Variants in THEMIS observed in about 807,000 individuals in gnomAD.
THEMIS encodes thymocyte selection associated.
In THEMIS, 37 loss-of-function variants were observed where a neutral mutation model predicts 52.6. That is an observed-to-expected ratio of 0.70 (90% CI 0.54 to 0.93). The LOEUF (loss-of-function observed/expected upper bound fraction) is 0.93, where lower values mean the gene tolerates loss of function less well. THEMIS is among the 40% of genes least tolerant of loss of function. The probability of loss-of-function intolerance (pLI) is 0.00; values close to 1 mark genes in which losing one functional copy is unlikely to be tolerated. For missense variants in THEMIS, 808 were observed against 763.1 expected, an observed-to-expected ratio of 1.06 and a Z score of -0.69; for synonymous variants, 292 against 272.7, an observed-to-expected ratio of 1.07 and a Z score of -0.70.
chr6:127,736,219 T>C (rs1427563711), intron 4 of THEMIS, among the ~76,000 whole-genome samples: 4 of 152,194 alleles, frequency 2.6e-5, no homozygotes, highest in Non-Finnish European at 5.9e-5. Flanking sequence ...AAATTGTATA[T>C]TTAGAGAAAA....
At chr6:127,699,238 T>C in the THEMIS span, among the ~76,000 whole-genome samples, 1 of 151,814 alleles carries the variant, frequency 6.6e-6, no homozygotes, top group African/African-American at 2.4e-5. Flanking sequence ...TAAATCTGTC[T>C]ACTACTTCAG....
In THEMIS at chr6:127,731,125, C is replaced by A. The variant is rs1029554226; in HGVS notation, c.1759-11302G>T. ...ACCTCTGGTTATAATTTCTTTGCTG[C>A]AATAACATTTCTATAATGACACTGG... On this transcript the variant is annotated intron_variant, in intron 4 of 5. Coordinates refer to ENST00000368248, the MANE Select transcript of THEMIS (RefSeq NM_001010923.3). Among the ~76,000 whole-genome samples, 3 of 152,266 alleles carry A rather than the reference C, an allele frequency of 2.0e-5. No individual in the cohort carries two copies. The South Asian group carries it at 6.2e-4, about 32-fold the overall frequency.
intron 4 of THEMIS, among the ~76,000 whole-genome samples, chr6:127,773,506 T>A (rs1776455361): frequency 6.6e-6 from 1 of 152,242 alleles, no homozygotes; most frequent in Non-Finnish European, 1.5e-5. Flanking sequence ...ACTGATAAGC[T>A]ACTACATATC....
downstream of THEMIS, among the ~76,000 whole-genome samples, chr6:127,703,206 C>A (rs1340004869): frequency 6.6e-6 from 1 of 151,240 alleles, no homozygotes; most frequent in Non-Finnish European, 1.5e-5. Context: ...CGCCACTACG[C>A]CCGGCTAATT....
At chr6:127,739,104 T>C (rs1472521123) in intron 4 of THEMIS, among the ~76,000 whole-genome samples, 3 of 152,116 alleles carry the variant, frequency 2.0e-5, no homozygotes, top group Non-Finnish European at 4.4e-5. Flanking sequence ...GCCTCTCTCT[T>C]CTAAGAATAT....
chr6:127,749,977 C>T (rs79241959), intron 4 of THEMIS, among the ~76,000 whole-genome samples: 3,984 of 147,962 alleles, frequency 0.027, 181 homozygotes, highest in African/African-American at 0.094. Flanking sequence ...TCATTCCTAA[C>T]CACTGCTCAT....
chr6:127,900,745 C>T (rs1781111290), intron 1 of THEMIS, 97 bp downstream of exon 1: 17 of 1,014,506 alleles, frequency 1.7e-5, no homozygotes, highest in South Asian at 1.6e-4. Context: ...TTTACCAGAA[C>T]TCACATATTT....
chr6:127,852,167 A>G (rs535095386), intron 2 of THEMIS, among the ~76,000 whole-genome samples: 5 of 151,690 alleles, frequency 3.3e-5, no homozygotes, highest in Non-Finnish European at 7.4e-5. Context: ...ATAATGATAA[A>G]AGGGTCACTC....
At chr6:127,882,218 C>G (rs1780507819) in intron 1 of THEMIS, among the ~76,000 whole-genome samples, 1 of 151,674 alleles carries the variant, frequency 6.6e-6, no homozygotes, top group Non-Finnish European at 1.5e-5. Flanking sequence ...TTTTCATTTT[C>G]AGTACAGTAT....
chr6:127,822,469 A>T (rs1778373198), intron 3 of THEMIS, among the ~76,000 whole-genome samples: 1 of 152,108 alleles, frequency 6.6e-6, no homozygotes, highest in Non-Finnish European at 1.5e-5. Flanking sequence ...AAATAATCAT[A>T]ATCCTCACTG....
chr6:127,831,834 G>C (rs181929400), intron 2 of THEMIS, among the ~76,000 whole-genome samples: 1 of 152,064 alleles, frequency 6.6e-6, no homozygotes, highest in Non-Finnish European at 1.5e-5. Flanking sequence ...TACTTTGAAG[G>C]GATTTCTCAT....
At chr6:127,875,552 G>A (rs926506929) in intron 1 of THEMIS, among the ~76,000 whole-genome samples, 4 of 152,196 alleles carry the variant, frequency 2.6e-5, no homozygotes, top group Non-Finnish European at 5.9e-5. Flanking sequence ...CTGCAATGTT[G>A]GAAATATAAT....
chr6:127,844,552 A>G (rs937901526), intron 2 of THEMIS, among the ~76,000 whole-genome samples: 1 of 151,842 alleles, frequency 6.6e-6, no homozygotes, highest in African/African-American at 2.4e-5. Context: ...TTCCTTCACC[A>G]TATCATTTGG....
At chr6:127,745,419 A>C (rs1040670626) in intron 4 of THEMIS, among the ~76,000 whole-genome samples, 1 of 151,914 alleles carries the variant, frequency 6.6e-6, no homozygotes. Flanking sequence ...AAAAGTTGAC[A>C]TATGATGTTT....
intron 4 of THEMIS, among the ~76,000 whole-genome samples, chr6:127,752,497 C>T (rs894246114): frequency 6.6e-6 from 1 of 150,664 alleles, no homozygotes; most frequent in African/African-American, 2.4e-5. Context: ...TACAAAAGAT[C>T]ACAATGGACT....
chr6:127,818,812 G>A (rs1778223470), intron 3 of THEMIS, among the ~76,000 whole-genome samples: 1 of 151,690 alleles, frequency 6.6e-6, no homozygotes, highest in African/African-American at 2.4e-5. Flanking sequence ...AAAACTGAAA[G>A]GCAATGATAG....
chr6:127,841,064 A>C (rs144471792), intron 2 of THEMIS, among the ~76,000 whole-genome samples: 3 of 152,082 alleles, frequency 2.0e-5, no homozygotes, highest in Admixed American at 2.0e-4. Flanking sequence ...AGAATGTACA[A>C]CACCAAAAAT....
At chr6:127,770,074 A>C (rs1194362907) in intron 4 of THEMIS, among the ~76,000 whole-genome samples, 3 of 152,232 alleles carry the variant, frequency 2.0e-5, no homozygotes, top group African/African-American at 7.2e-5. Flanking sequence ...ATAGTCCCAC[A>C]ATAAACATAT....
At chr6:127,896,418 A>C (rs1321236612) in intron 1 of THEMIS, among the ~76,000 whole-genome samples, 1 of 151,530 alleles carries the variant, frequency 6.6e-6, no homozygotes, top group African/African-American at 2.4e-5. Context: ...CAAATAACTA[A>C]GAATAAATCT....
Sources: allele counts gnomAD v4.1 joint callset (sites outside exome capture counted in the v4.1 genomes callset), GRCh38; gene constraint gnomAD v4.1.1; transcripts MANE v1.5; gene names NCBI Gene and HGNC (gene_info 2026-07-23, HGNC 2026-07-21).